Variants in ARHGEF28 observed in about 807,000 individuals in gnomAD.
ARHGEF28 encodes Rho guanine nucleotide exchange factor 28.
In ARHGEF28, 152 loss-of-function variants were observed where a neutral mutation model predicts 206.6. The ratio of observed to expected loss-of-function variants is 0.74; its 90% CI spans 0.64 to 0.84. The LOEUF (loss-of-function observed/expected upper bound fraction) is 0.84. Ranked by LOEUF, ARHGEF28 falls within the 40% of genes least tolerant of loss-of-function variation. The probability of loss-of-function intolerance (pLI) is 0.00; values close to 1 mark genes in which losing one functional copy is unlikely to be tolerated. For missense variants in ARHGEF28, 2,028 were observed against 2,073.2 expected, an observed-to-expected ratio of 0.98 and a Z score of 0.42; for synonymous variants, 763 against 776.4, an observed-to-expected ratio of 0.98 and a Z score of 0.29.
intron 8 of ARHGEF28, 93 bp from the exon 9 acceptor site, chr5:73,795,238 C>A: frequency 8.8e-7 from 1 of 1,129,978 alleles, no homozygotes. Flanking sequence ...TTCATTGATG[C>A]TTTCCAAGGT....
chr5:73,849,130 A>G (rs1240770147), intron 13 of ARHGEF28, 43 bp downstream of exon 13: 1 of 1,357,288 alleles, frequency 7.4e-7, no homozygotes, highest in African/African-American at 1.5e-5. Flanking sequence ...ACTCTATTCC[A>G]GAACAGATTT....
intron 2 of ARHGEF28, among the ~76,000 whole-genome samples, chr5:73,723,388 A>G (rs1487990179): frequency 6.6e-6 from 1 of 152,094 alleles, no homozygotes; most frequent in Non-Finnish European, 1.5e-5. Context: ...GGGTTTCACC[A>G]TGTTGGCCAG....
At position 73,813,677 on chromosome 5, in the gene ARHGEF28, G is replaced by A. The variant is rs566127966; in HGVS notation, c.1024+18286G>A. Reference sequence around the variant, plus strand: ...CGAAGAAGGACGTCCAAACAAGGTAGATTGCAGTATCTTTTCTTTCCTTCA... The same window carrying A: ...CGAAGAAGGACGTCCAAACAAGGTAAATTGCAGTATCTTTTCTTTCCTTCA... On this transcript the variant is annotated intron_variant, in intron 9 of 35. Coordinates refer to ENST00000513042, the MANE Select transcript of ARHGEF28 (RefSeq NM_001177693.2). 35 of 1,535,400 alleles carry A rather than the reference G, an allele frequency of 2.3e-5. No individual in the cohort carries two copies. In the South Asian group the frequency reaches 4.2e-4, roughly 18 times the overall value.
intron 2 of ARHGEF28, among the ~76,000 whole-genome samples, chr5:73,748,066 C>T (rs1751828214): frequency 6.6e-6 from 1 of 152,010 alleles, no homozygotes; most frequent in Admixed American, 6.5e-5. Context: ...CAGATTCTGC[C>T]TGTGGATAGT....
chr5:73,847,864 G>A (rs779764752), intron 12 of ARHGEF28, among the ~76,000 whole-genome samples: 20 of 152,278 alleles, frequency 1.3e-4, no homozygotes, highest in Non-Finnish European at 7.4e-5. Context: ...CCTTCTTGAC[G>A]TCTAGGCCCG....
chr5:73,872,375 T>C (rs905342763), intron 21 of ARHGEF28, among the ~76,000 whole-genome samples: 9 of 152,204 alleles, frequency 5.9e-5, no homozygotes, highest in Non-Finnish European at 8.8e-5. Flanking sequence ...TTTAAAAATA[T>C]ACTAGATACA....
intron 1 of ARHGEF28, 70 bp from the exon 2 acceptor site, chr5:73,684,771 G>A: frequency 1.5e-6 from 2 of 1,378,408 alleles, no homozygotes; most frequent in Non-Finnish European, 2.0e-6. Flanking sequence ...ATTGATAACT[G>A]GAGAGCTCTG....
chr5:73,729,780 G>C (rs114369849), intron 2 of ARHGEF28, among the ~76,000 whole-genome samples: 278 of 152,296 alleles, frequency 1.8e-3, no homozygotes, highest in African/African-American at 6.5e-3. Context: ...GTTAGTGTTA[G>C]AGAGTAGAAC....
At chr5:73,905,389 A>T (rs2112716669) in intron 33 of ARHGEF28, 1 of 152,304 alleles carries the variant, frequency 6.6e-6, no homozygotes, top group Middle Eastern at 3.4e-3. Context: ...GACCATGCAA[A>T]GAAAGAGGCT....
intron 1 of ARHGEF28, among the ~76,000 whole-genome samples, chr5:73,672,902 A>C (rs527457377): frequency 3.3e-5 from 5 of 152,340 alleles, no homozygotes. Context: ...GTTAGGCTGC[A>C]CAATTTCAGA....
chr5:73,725,249 A>G (rs1422730462), intron 2 of ARHGEF28, among the ~76,000 whole-genome samples: 1 of 152,202 alleles, frequency 6.6e-6, no homozygotes, highest in Admixed American at 6.5e-5. Flanking sequence ...TGGCAGACTG[A>G]TAGAGGAGAT....
chr5:73,654,344 C>T (rs1026981076), intron 1 of ARHGEF28, among the ~76,000 whole-genome samples: 4 of 152,156 alleles, frequency 2.6e-5, no homozygotes, highest in South Asian at 2.1e-4. Flanking sequence ...CTGAGGCACT[C>T]GAGGGGCTCT....
intron 35 of ARHGEF28, among the ~76,000 whole-genome samples, chr5:73,932,837 T>C (rs1350410195): frequency 1.6e-5 from 2 of 124,728 alleles, no homozygotes; most frequent in Non-Finnish European, 3.2e-5. Context: ...GAGACAGAGT[T>C]TCGCTCTGTC....
intron 11 of ARHGEF28, among the ~76,000 whole-genome samples, chr5:73,844,640 GTTT>G (rs59807350): frequency 2.6e-5 from 3 of 114,358 alleles, no homozygotes; most frequent in African/African-American, 6.7e-5. Flanking sequence ...AAAAGCCTAT[GTTT>G]TTTTTTTTTT....
chr5:73,902,485 C>G (rs1762324427), intron 31 of ARHGEF28: 1 of 152,144 alleles, frequency 6.6e-6, no homozygotes. Context: ...TGTCTGGGTT[C>G]TTCTTTGGAT....
intron 1 of ARHGEF28, among the ~76,000 whole-genome samples, chr5:73,670,395 A>G (rs1746232437): frequency 6.6e-6 from 1 of 152,210 alleles, no homozygotes; most frequent in South Asian, 2.1e-4. Context: ...ACTGAAGTTT[A>G]ACCATTAACC....
intron 17 of ARHGEF28, 69 bp downstream of exon 17, chr5:73,864,941 C>T: frequency 1.4e-6 from 2 of 1,410,626 alleles, no homozygotes; most frequent in South Asian, 1.3e-5. Flanking sequence ...TGAGCTTTTA[C>T]TCTTTTTTAT....
At chr5:73,629,448 A>C (rs983897912) in intron 1 of ARHGEF28, among the ~76,000 whole-genome samples, 1 of 151,524 alleles carries the variant, frequency 6.6e-6, no homozygotes, top group African/African-American at 2.4e-5. Flanking sequence ...TAGAGGCTGC[A>C]GTGAGCTGAG....
intron 11 of ARHGEF28, among the ~76,000 whole-genome samples, chr5:73,845,702 A>C (rs545769267): frequency 2.0e-5 from 3 of 152,108 alleles, no homozygotes; most frequent in Admixed American, 6.5e-5. Flanking sequence ...AGGCATTTGA[A>C]ATGTCTTTTG....
Sources: gnomAD v4.1 joint callset for allele counts (sites outside exome capture counted in the v4.1 genomes callset) on GRCh38, gnomAD v4.1.1 for gene constraint, MANE v1.5 for transcripts, NCBI Gene and HGNC (gene_info 2026-07-23, HGNC 2026-07-21) for gene names.